The following LRRTM4 variants were observed in gnomAD, a reference collection of about 807,000 sequenced individuals.
The protein encoded by LRRTM4 is leucine-rich repeat transmembrane neuronal protein 4.
A neutral mutation model predicts 47.6 loss-of-function variants in LRRTM4; 25 were observed. The ratio of observed to expected loss-of-function variants is 0.53; its 90% CI spans 0.38 to 0.73. The LOEUF is 0.73. Among genes scored for constraint, LRRTM4 ranks in the 30% least tolerant of loss-of-function variants. LRRTM4 has a pLI of 0.00. For synonymous variants in LRRTM4, 311 were observed against 269.5 expected, an observed-to-expected ratio of 1.15 and a Z score of -1.51; for missense variants, 638 against 713.4, an observed-to-expected ratio of 0.89 and a Z score of 1.20.
At chr2:77,205,004 G>C (rs919481662) in intron 3 of LRRTM4, among the ~76,000 whole-genome samples, 1 of 152,304 alleles carries the variant, frequency 6.6e-6, no homozygotes, top group Middle Eastern at 3.4e-3. Context: ...CTATTATACA[G>C]TTACAGAATT....
Position 77,434,936 on chromosome 2 carries a change from C to T in LRRTM4, c.1551+83382G>A, listed in dbSNP as rs1486646002. ...GCTATATTGAAGGTTGTGTTTCCAC[C>T]TCCTACTTTAGAGGACCTAGTCATC... On this transcript the variant is annotated intron_variant, in intron 3 of 3. Coordinates refer to ENST00000409884, the MANE Select transcript of LRRTM4 (RefSeq NM_001134745.3). Among the ~76,000 whole-genome samples the T allele has an allele frequency of 2.0e-5, 3 of 152,034 alleles. No individual in the cohort carries two copies. In the East Asian group the frequency reaches 5.8e-4, roughly 29 times the overall value.
At chr2:77,025,528 CTCTTAT>C (rs1678425172) in intron 3 of LRRTM4, among the ~76,000 whole-genome samples, 1 of 152,136 alleles carries the variant, frequency 6.6e-6, no homozygotes, top group African/African-American at 2.4e-5. Flanking sequence ...AGTCTTCTCT[CTCTTAT>C]TAATAGTCTT....
At chr2:77,059,203 G>T (rs897648309) in intron 3 of LRRTM4, among the ~76,000 whole-genome samples, 1 of 152,040 alleles carries the variant, frequency 6.6e-6, no homozygotes, top group East Asian at 1.9e-4. Flanking sequence ...CAACCTGAAA[G>T]AATACACTTC....
chr2:76,762,253 T>C (rs186376948), intron 3 of LRRTM4, among the ~76,000 whole-genome samples: 16 of 152,310 alleles, frequency 1.1e-4, no homozygotes, highest in African/African-American at 2.9e-4. Context: ...TCCAGATTGT[T>C]TGACATACTC....
intron 3 of LRRTM4, among the ~76,000 whole-genome samples, chr2:77,292,629 T>G (rs1360566949): frequency 7.1e-6 from 1 of 140,082 alleles, no homozygotes; most frequent in African/African-American, 2.7e-5. Flanking sequence ...GTCTCACTCA[T>G]AGGTGGGAAC....
At chr2:77,154,436 C>T (rs1011672817) in intron 3 of LRRTM4, among the ~76,000 whole-genome samples, 29 of 152,086 alleles carry the variant, frequency 1.9e-4, no homozygotes, top group Admixed American at 1.8e-3. Context: ...AGCATTTCCA[C>T]TGACAATTAG....
At chr2:76,923,471 T>C (rs1214274412) in intron 3 of LRRTM4, among the ~76,000 whole-genome samples, 2 of 152,054 alleles carry the variant, frequency 1.3e-5, no homozygotes, top group Admixed American at 6.6e-5. Context: ...AGGGTGTTAA[T>C]ACGCTCATTG....
At chr2:76,860,143 C>A (rs993846638) in intron 3 of LRRTM4, among the ~76,000 whole-genome samples, 1 of 152,068 alleles carries the variant, frequency 6.6e-6, no homozygotes, top group African/African-American at 2.4e-5. Context: ...GCCAAACATA[C>A]AATATATTCT....
At chr2:77,203,120 C>T (rs748871986) in intron 3 of LRRTM4, among the ~76,000 whole-genome samples, 279 of 151,866 alleles carry the variant, frequency 1.8e-3, no homozygotes, top group Non-Finnish European at 2.8e-3. Context: ...CACATATATA[C>T]ATATGTGTGT....
intron 3 of LRRTM4, among the ~76,000 whole-genome samples, chr2:76,765,423 G>A (rs1239514047): frequency 6.6e-6 from 1 of 152,188 alleles, no homozygotes; most frequent in Non-Finnish European, 1.5e-5. Flanking sequence ...AAGTTTTGGG[G>A]AAGAGGAGCA....
intron 3 of LRRTM4, among the ~76,000 whole-genome samples, chr2:77,026,245 A>G (rs1678447542): frequency 6.6e-6 from 1 of 152,138 alleles, no homozygotes; most frequent in South Asian, 2.1e-4. Flanking sequence ...CATTTGAAGC[A>G]CTTTACATGC....
intron 3 of LRRTM4, among the ~76,000 whole-genome samples, chr2:76,833,861 A>G (rs1419720131): frequency 6.6e-6 from 1 of 151,692 alleles, no homozygotes; most frequent in Non-Finnish European, 1.5e-5. Flanking sequence ...TTAATCACAA[A>G]TAATGAAGAC....
intron 3 of LRRTM4, among the ~76,000 whole-genome samples, chr2:76,801,309 A>C (rs1424421482): frequency 3.3e-5 from 5 of 152,228 alleles, no homozygotes; most frequent in Admixed American, 2.6e-4. Flanking sequence ...TGTGGCACAT[A>C]TACACCATGG....
rs767024591 is a variant in LRRTM4 at position 77,187,233 on chromosome 2, A to C, written c.1551+331085T>G. Among the ~76,000 whole-genome samples the C allele has an allele frequency of 3.3e-5, 5 of 152,250 alleles. No homozygotes were observed. In the East Asian group the frequency reaches 9.7e-4, roughly 29 times the overall value. On this transcript the variant is annotated intron_variant, in intron 3 of 3. Coordinates refer to ENST00000409884, the MANE Select transcript of LRRTM4 (RefSeq NM_001134745.3). ...ACTACTGTGGTGCCATTGATGCTACAAAGTTCCTTGTGAGCATGTGTTGAA... is the reference window on the plus strand; with the variant it reads ...ACTACTGTGGTGCCATTGATGCTACCAAGTTCCTTGTGAGCATGTGTTGAA...
chr2:76,961,384 C>A (rs1246639357), intron 3 of LRRTM4, among the ~76,000 whole-genome samples: 1 of 150,342 alleles, frequency 6.7e-6, no homozygotes, highest in African/African-American at 2.4e-5. Flanking sequence ...TGTTAGCTTG[C>A]CAATATTTTT....
chr2:77,018,859 G>T (rs62170871), intron 3 of LRRTM4, among the ~76,000 whole-genome samples: 1,906 of 152,120 alleles, frequency 0.013, 17 homozygotes, highest in Middle Eastern at 0.045. Context: ...AAGTTCTAAT[G>T]AACTTTAAGG....
chr2:77,137,270 A>G (rs2860945), intron 3 of LRRTM4, among the ~76,000 whole-genome samples: 53,432 of 151,712 alleles, frequency 0.35, 10,621 homozygotes, highest in African/African-American at 0.51. Context: ...GACTCACAGC[A>G]GATCTCTTGG....
intron 3 of LRRTM4, among the ~76,000 whole-genome samples, chr2:77,032,476 T>C (rs1051481400): frequency 1.3e-5 from 2 of 152,174 alleles, no homozygotes; most frequent in Non-Finnish European, 2.9e-5. Context: ...AAGTTAGTTT[T>C]GTTCACGTTG....
intron 3 of LRRTM4, among the ~76,000 whole-genome samples, chr2:76,912,922 G>A (rs1297202767): frequency 1.3e-5 from 2 of 152,110 alleles, no homozygotes; most frequent in African/African-American, 4.8e-5. Flanking sequence ...TATGCTTCCT[G>A]TACAGCCTGC....
Sources: gnomAD v4.1 joint callset for allele counts (sites outside exome capture counted in the v4.1 genomes callset) on GRCh38, gnomAD v4.1.1 for gene constraint, MANE v1.5 for transcripts, NCBI Gene and HGNC (gene_info 2026-07-23, HGNC 2026-07-21) for gene names.